Variants in OSBPL10 observed in about 807,000 individuals in gnomAD.
OSBPL10 encodes the protein oxysterol binding protein like 10, also known as oxysterol-binding protein-related protein 10.
A neutral mutation model predicts 81.7 loss-of-function variants in OSBPL10; 49 were observed. That is an observed-to-expected ratio of 0.60 (90% CI 0.48 to 0.76). The LOEUF (loss-of-function observed/expected upper bound fraction) is 0.76, where lower values mean the gene tolerates loss of function less well. Ranked by LOEUF, OSBPL10 falls within the 30% of genes least tolerant of loss-of-function variation. The pLI is 0.00. For missense variants in OSBPL10, 923 were observed against 987.8 expected, an observed-to-expected ratio of 0.93 and a Z score of 0.88; for synonymous variants, 419 against 383.6, an observed-to-expected ratio of 1.09 and a Z score of -1.08.
rs1163667499 is a variant in OSBPL10, at chr3:31,860,858, TTTTTTTTTTTGGG to T, written c.537+15562_537+15574del. ...CTAATTTTTGTGGGGTTTTTTGGGG[TTTTTTTTTTTGGG>T]TTTTTTTTTTTGTATTTTTAGTAGA... On this transcript the variant is annotated intron_variant, in intron 3 of 11. Transcript: ENST00000396556. Among the ~76,000 whole-genome samples the T allele has an allele frequency of 3.2e-4, 24 of 75,570 alleles. No homozygotes were observed. In the African/African-American group the frequency reaches 3.3e-3, roughly 10 times the overall value. The allele number at this position is 75,570 out of a possible 152,430, so 49.6% of individuals were successfully genotyped here.
rs796969117 is a variant in OSBPL10, at chr3:31,672,363, G to T, written c.1727-1380C>A. Among the ~76,000 whole-genome samples, 1,451 of 73,502 alleles carry T rather than the reference G, an allele frequency of 0.02. 183 individuals are homozygous for T. The East Asian group carries it at 0.34, about 17-fold the overall frequency. The allele number at this position is 73,502 out of a possible 152,430, so 48.2% of individuals were successfully genotyped here. On this transcript the variant is annotated intron_variant, in intron 8 of 11. Transcript: ENST00000396556. ...CTTAGAGCTAGAATTTGCGGGGGCG[G>T]GGGGGGGGGCAGGAGGGAGGGAGAG...
At chr3:31,834,537 G>A (rs1362495662) in intron 3 of OSBPL10, among the ~76,000 whole-genome samples, 1 of 151,898 alleles carries the variant, frequency 6.6e-6, no homozygotes, top group African/African-American at 2.4e-5. Flanking sequence ...AATCACACAG[G>A]CCTCTTGGTC....
intron 6 of OSBPL10, chr3:31,703,550 G>A (rs1695964254): frequency 6.6e-6 from 1 of 152,114 alleles, no homozygotes; most frequent in South Asian, 2.1e-4. Context: ...TATATCTACA[G>A]GCACTTCTAA....
chr3:31,774,178 AAG>A (rs1450607857), intron 4 of OSBPL10, among the ~76,000 whole-genome samples: 1 of 145,548 alleles, frequency 6.9e-6, no homozygotes, highest in African/African-American at 2.7e-5. Flanking sequence ...AAAAAAAAAA[AAG>A]AAAGACAGAC....
At chr3:31,744,725 C>T (rs963705235) in intron 5 of OSBPL10, among the ~76,000 whole-genome samples, 2 of 151,350 alleles carry the variant, frequency 1.3e-5, no homozygotes, top group African/African-American at 2.4e-5. Context: ...CTCTGAAATG[C>T]ATCCATTTGA....
intron 1 of OSBPL10, among the ~76,000 whole-genome samples, chr3:31,908,140 A>T (rs1228692529): frequency 1.3e-5 from 2 of 152,178 alleles, no homozygotes; most frequent in Non-Finnish European, 2.9e-5. Context: ...CTGGAGAAAC[A>T]GCCAGTGCAA....
chr3:31,806,821 G>A lies in OSBPL10; in HGVS notation c.729+23219C>T, dbSNP rs185955831. On this transcript the variant is annotated intron_variant, in intron 4 of 11. Transcript: ENST00000396556. ...TGGGGGGAGCCATGTGGGTGGATATGCAGGGAACGGTGAGTGCAATGGCCT... is the reference window on the plus strand; with the variant it reads ...TGGGGGGAGCCATGTGGGTGGATATACAGGGAACGGTGAGTGCAATGGCCT... Among the ~76,000 whole-genome samples, 99 of 152,242 alleles carry A rather than the reference G, an allele frequency of 6.5e-4. 1 individual carries two copies. The highest frequency in any genetic ancestry group is 3.4e-3 in the Middle Eastern group (1 of 294).
chr3:32,021,203 G>A (rs2125545267), intron 2 of OSBPL10, among the ~76,000 whole-genome samples: 1 of 152,292 alleles, frequency 6.6e-6, no homozygotes, highest in East Asian at 1.9e-4. Context: ...ATGAATTGGG[G>A]CGTGGGTGGG....
intron 4 of OSBPL10, among the ~76,000 whole-genome samples, chr3:31,773,444 T>A (rs775071044): frequency 1.3e-5 from 2 of 152,152 alleles, no homozygotes; most frequent in African/African-American, 4.8e-5. Flanking sequence ...CATAGGCTTA[T>A]GAGGAATGAA....
chr3:32,033,231 C>G (rs1245415237), intron 2 of OSBPL10, among the ~76,000 whole-genome samples: 2 of 152,112 alleles, frequency 1.3e-5, no homozygotes, highest in Non-Finnish European at 1.5e-5. Flanking sequence ...TTCCAAGAAG[C>G]CTTTCAAATA....
At chr3:32,011,222 G>A (rs1699253328) in intron 2 of OSBPL10, among the ~76,000 whole-genome samples, 1 of 152,148 alleles carries the variant, frequency 6.6e-6, no homozygotes, top group Non-Finnish European at 1.5e-5. Flanking sequence ...TCACACAGCC[G>A]GGTACTCCTC....
rs557286511 is a variant in OSBPL10, at chr3:31,741,409, C to T, written c.940+6501G>A. 2.0e-5 allele frequency among the ~76,000 whole-genome samples: 3 copies of T among 152,258 alleles called. No homozygotes were observed. In the South Asian group the frequency reaches 6.2e-4, roughly 32 times the overall value. ...CCTCCCAAGTAGCTGGGACTACAGG[C>T]GCATGCCACCACACCCAGCTAATTT... On this transcript the variant is annotated intron_variant, in intron 5 of 11. Coordinates refer to ENST00000396556, the MANE Select transcript of OSBPL10 (RefSeq NM_017784.5).
chr3:31,845,969 T>C (rs925478140), intron 3 of OSBPL10, among the ~76,000 whole-genome samples: 2 of 152,178 alleles, frequency 1.3e-5, no homozygotes, highest in African/African-American at 4.8e-5. Context: ...AAAGGCAAAT[T>C]TGAAATAACT....
chr3:31,974,087 CAAG>C (rs1698634433), intron 1 of OSBPL10, among the ~76,000 whole-genome samples: 1 of 152,008 alleles, frequency 6.6e-6, no homozygotes, highest in African/African-American at 2.4e-5. Context: ...TCGTAAAAGT[CAAG>C]AAGAAAAAGG....
chr3:31,857,151 A>G (rs542250940), intron 3 of OSBPL10, among the ~76,000 whole-genome samples: 77 of 152,354 alleles, frequency 5.1e-4, no homozygotes, highest in Non-Finnish European at 7.1e-4. Flanking sequence ...CTCTGCTTAC[A>G]GAACCCAAGA....
At chr3:31,912,262 T>C (rs1696602105) in intron 1 of OSBPL10, among the ~76,000 whole-genome samples, 1 of 151,756 alleles carries the variant, frequency 6.6e-6, no homozygotes. Flanking sequence ...GGCGTGGTGG[T>C]GGATGCCTGT....
intron 4 of OSBPL10, among the ~76,000 whole-genome samples, chr3:31,776,881 C>A (rs565140968): frequency 9.9e-5 from 15 of 152,134 alleles, no homozygotes; most frequent in South Asian, 8.3e-4. Context: ...AGTTTCACAA[C>A]ACTGTGAATA....
At chr3:31,978,325 C>T (rs1459003593) in intron 1 of OSBPL10, among the ~76,000 whole-genome samples, 1 of 152,236 alleles carries the variant, frequency 6.6e-6, no homozygotes, top group East Asian at 1.9e-4. Context: ...TGTACTAAGG[C>T]ATTTCCCTGG....
chr3:31,923,689 A>G (rs1237269746), intron 1 of OSBPL10, among the ~76,000 whole-genome samples: 1 of 152,220 alleles, frequency 6.6e-6, no homozygotes, highest in East Asian at 1.9e-4. Flanking sequence ...CAGGAGGCTG[A>G]GGCAGAAGGA....
Sources: allele counts gnomAD v4.1 joint callset (sites outside exome capture counted in the v4.1 genomes callset), GRCh38; gene constraint gnomAD v4.1.1; transcripts MANE v1.5; gene names NCBI Gene and HGNC (gene_info 2026-07-23, HGNC 2026-07-21).